PKNOX1: variants seen among roughly 807,000 people sequenced by gnomAD.
PKNOX1 encodes homeobox protein PKNOX1.
Under a neutral mutation model 51.9 loss-of-function variants are expected in PKNOX1, and 15 were observed. The observed-to-expected ratio is 0.29, with a 90% CI of 0.19 to 0.45. The LOEUF (loss-of-function observed/expected upper bound fraction) is 0.45, where lower values mean the gene tolerates loss of function less well. PKNOX1 is among the 20% of genes least tolerant of loss of function. The pLI is 1.00. For missense variants in PKNOX1, 462 were observed against 547.5 expected, an observed-to-expected ratio of 0.84 and a Z score of 1.56; for synonymous variants, 219 against 211.1, an observed-to-expected ratio of 1.04 and a Z score of -0.32.
intron 4 of PKNOX1, 49 bp downstream of exon 4, chr21:43,010,273 C>A (rs1231527686): frequency 1.7e-6 from 2 of 1,144,490 alleles, no homozygotes; most frequent in South Asian, 3.2e-5. Context: ...GAAATCTGTT[C>A]ATGAAATTTT....
intron 1 of PKNOX1, among the ~76,000 whole-genome samples, chr21:43,001,960 CAAATAAAT>C (rs34834721): frequency 4.1e-5 from 6 of 146,198 alleles, no homozygotes; most frequent in Admixed American, 2.7e-4. Flanking sequence ...GACTCCGTCT[CAAATAAAT>C]AAATAAATAA....
intron 1 of PKNOX1, among the ~76,000 whole-genome samples, chr21:42,996,428 C>T (rs1339288377): frequency 1.4e-5 from 2 of 144,562 alleles, no homozygotes; most frequent in Non-Finnish European, 3.1e-5. Flanking sequence ...ACCATAAACA[C>T]TCGGGGAGTC....
chr21:42,988,859 C>T (rs1240869336), intron 1 of PKNOX1, among the ~76,000 whole-genome samples: 1 of 152,076 alleles, frequency 6.6e-6, no homozygotes, highest in Non-Finnish European at 1.5e-5. Flanking sequence ...GATGAGGACC[C>T]CCTCACTGGT....
intron 4 of PKNOX1, among the ~76,000 whole-genome samples, chr21:43,012,004 A>T (rs553910040): frequency 3.2e-4 from 49 of 152,276 alleles, no homozygotes; most frequent in African/African-American, 1.1e-3. Flanking sequence ...GCTGGCAGGG[A>T]CCAAGGTTCT....
intron 3 of PKNOX1, among the ~76,000 whole-genome samples, chr21:43,008,061 T>TCTCTCA (rs59792199): frequency 6.8e-5 from 10 of 146,886 alleles, no homozygotes; most frequent in African/African-American, 1.3e-4. Context: ...CAAAACTCTG[T>TCTCTCA]CACACACACA....
intron 7 of PKNOX1, 56 bp downstream of exon 7, chr21:43,018,286 A>AG: frequency 2.8e-6 from 3 of 1,068,298 alleles, no homozygotes; most frequent in Non-Finnish European, 4.4e-6. Flanking sequence ...ACATAGGGGC[A>AG]CAGGTAGAAC....
rs1313222825 is a variant in PKNOX1, at chr21:43,031,196, T to C, written c.*1095T>C. 1 of 152,696 alleles carries C rather than the reference T, an allele frequency of 6.5e-6. No homozygotes were observed. The highest frequency in any genetic ancestry group is 2.4e-5 in the African/African-American group (1 of 41,468). 9.5% of individuals were successfully genotyped at this position (152,696 alleles called of 1,614,324 possible). ...TATGCACAGAATGTTTATTATAAAC[T>C]AATATAAAATGTGCTCTACCCCATT... On this transcript the variant is annotated 3_prime_UTR_variant, in exon 11 of 11. Transcript: ENST00000291547.
At chr21:43,008,073 A>T (rs549605198) in intron 3 of PKNOX1, among the ~76,000 whole-genome samples, 4 of 151,722 alleles carry the variant, frequency 2.6e-5, no homozygotes, top group Non-Finnish European at 5.9e-5. Context: ...ACACACACAC[A>T]CACACACACA....
intron 1 of PKNOX1, among the ~76,000 whole-genome samples, chr21:42,979,702 A>G (rs1488173978): frequency 6.6e-6 from 1 of 152,128 alleles, no homozygotes; most frequent in Non-Finnish European, 1.5e-5. Flanking sequence ...AGATCGCGCC[A>G]CTGCACTCCA....
intron 7 of PKNOX1, chr21:43,020,658 C>T (rs892439135): frequency 1.3e-5 from 2 of 152,820 alleles, no homozygotes; most frequent in African/African-American, 2.4e-5. Context: ...TCTTTCCCCT[C>T]TGCTCCCCTG....
Position 43,016,951 on chromosome 21 carries a change from T to C in PKNOX1, c.566T>C (p.Ile189Thr), listed in dbSNP as rs754336297. 3.7e-6 allele frequency: 6 copies of C among 1,612,976 alleles called. No individual in the cohort carries two copies. Among genetic ancestry groups the C allele is most frequent in the African/African-American group, 1.3e-5 (1 of 74,910 alleles). ...ACAGGCACCATCAGCCCTCAGGGAA[T>C]TGTGGTGCCGGCGTCCGCGCTGCAG... Reference protein sequence around the residue: ...AITGTISPQGIVVPASALQQG... With the variant: ...AITGTISPQGTVVPASALQQG... The change falls in exon 6 of 11, where the codon ATT becomes ACT. Residue 189 changes from isoleucine (I) to threonine (T), a missense_variant. This residue lies in a region of PKNOX1 where 126 missense variants were observed against 128.1 expected (regional missense o/e 0.98). Transcript: ENST00000291547.
intron 10 of PKNOX1, among the ~76,000 whole-genome samples, chr21:43,029,665 T>C (rs751466444): frequency 6.6e-6 from 1 of 151,960 alleles, no homozygotes; most frequent in Non-Finnish European, 1.5e-5. Flanking sequence ...TCTCCTGACC[T>C]CGTTATCCGC....
At chr21:43,019,391 CAAATA>C (rs1023340431) in intron 7 of PKNOX1, among the ~76,000 whole-genome samples, 3 of 101,514 alleles carry the variant, frequency 3.0e-5, no homozygotes, top group African/African-American at 4.0e-5. Context: ...AACTCCATCT[CAAATA>C]AAATAAAATA....
rs8127207 is a variant in PKNOX1 at position 43,009,391 on chromosome 21, A to G, written c.180-662A>G. 1.3e-3 allele frequency among the ~76,000 whole-genome samples: 202 copies of G among 152,054 alleles called. 1 individual carries two copies. Among genetic ancestry groups the G allele is most frequent in the African/African-American group, 4.7e-3 (193 of 41,496 alleles). ...ACCCGAGAGGCGGAGGTTGTGGTGA[A>G]CCGAGATCACGCCATTGCACTCCAG... is the stretch of plus-strand genomic sequence containing the variant. On this transcript the variant is annotated intron_variant, in intron 3 of 10. Transcript: ENST00000291547.
At chr21:43,019,586 A>G (rs1292849711) in intron 7 of PKNOX1, among the ~76,000 whole-genome samples, 1 of 151,982 alleles carries the variant, frequency 6.6e-6, no homozygotes, top group Non-Finnish European at 1.5e-5. Flanking sequence ...TCTGTTGCCC[A>G]GGCTGGAGTG....
At chr21:43,010,553 AAAAAT>A (rs1362093680) in intron 4 of PKNOX1, among the ~76,000 whole-genome samples, 1 of 152,000 alleles carries the variant, frequency 6.6e-6, no homozygotes, top group East Asian at 1.9e-4. Context: ...CCTTTCCTTT[AAAAAT>A]AAAATAAAAT....
chr21:43,021,460 T>G lies in PKNOX1; in HGVS notation c.849+29T>G. ...AGGACGGCTGGGCCAGCCCTTGCCT[T>G]GCAGCCCTCTGCGACGCTTGCTCTC... On this transcript the variant is annotated intron_variant, in intron 8 of 10. Transcript: ENST00000291547. This position sits in a 1 kb window ranked among gnomAD's most constrained non-coding sequence, Gnocchi z 4.6. 1 of 1,574,014 alleles carries G rather than the reference T, an allele frequency of 6.4e-7. No individual in the cohort carries two copies. Among genetic ancestry groups the G allele is most frequent in the Non-Finnish European group, 8.6e-7 (1 of 1,157,630 alleles).
At chr21:43,018,624 A>C (rs1979619459) in intron 7 of PKNOX1, among the ~76,000 whole-genome samples, 1 of 151,636 alleles carries the variant, frequency 6.6e-6, no homozygotes, top group Non-Finnish European at 1.5e-5. Flanking sequence ...GCACGGCAGA[A>C]CTGCCAGGCA....
rs1377784502 is a variant in PKNOX1 at position 42,985,978 on chromosome 21, G to T, written c.-57+11314G>T. The stretch of plus-strand genomic sequence containing the variant: ...ATCGTGCCATTGCAGTCTAGCCTGG[G>T]CAACAGAGCGAGGCTCTGTCTCAGA... On this transcript the variant is annotated intron_variant, in intron 1 of 10. Transcript: ENST00000291547. Among the ~76,000 whole-genome samples the T allele has an allele frequency of 2.9e-5, 4 of 135,674 alleles. No individual in the cohort carries two copies. The East Asian group carries it at 8.6e-4, about 29-fold the overall frequency. 89.0% of individuals were successfully genotyped at this position (135,674 alleles called of 152,430 possible).
Sources: allele counts gnomAD v4.1 joint callset (sites outside exome capture counted in the v4.1 genomes callset), GRCh38; gene constraint gnomAD v4.1.1; regional missense constraint gnomAD v4.1.1; non-coding constraint Gnocchi (gnomAD v3.1); transcripts MANE v1.5; gene names NCBI Gene and HGNC (gene_info 2026-07-23, HGNC 2026-07-21).